ST18: variants seen among roughly 807,000 people sequenced by gnomAD.
The protein encoded by ST18 is ST18 C2H2C-type zinc finger transcription factor.
ST18 carries 50 observed loss-of-function variants against 110.0 expected under a neutral mutation model. That is an observed-to-expected ratio of 0.45 (90% CI 0.36 to 0.58). ST18 has a LOEUF of 0.58. ST18 is among the 20% of genes least tolerant of loss of function. ST18 has a pLI of 0.00. For missense variants in ST18, 1,306 were observed against 1,280.1 expected (o/e 1.02, Z -0.31); for synonymous variants, 461 against 452.4 (o/e 1.02, Z -0.24).
intron 2 of ST18, among the ~76,000 whole-genome samples, chr8:52,248,788 G>T (rs1040274421): frequency 6.6e-6 from 1 of 152,142 alleles, no homozygotes; most frequent in Non-Finnish European, 1.5e-5. Context: ...AGATTCAAGA[G>T]AAATTAAATA....
intron 2 of ST18, among the ~76,000 whole-genome samples, chr8:52,263,294 C>T (rs181908224): frequency 1.2e-4 from 19 of 152,282 alleles, no homozygotes; most frequent in South Asian, 6.2e-4. Context: ...AGATACTTCA[C>T]GCTTTGCAGA....
At chr8:52,258,823 T>C (rs1213238208) in intron 2 of ST18, among the ~76,000 whole-genome samples, 1 of 152,228 alleles carries the variant, frequency 6.6e-6, no homozygotes, top group Non-Finnish European at 1.5e-5. Flanking sequence ...GGAAATACTT[T>C]GGTGTTTAGC....
chr8:52,329,494 C>T (rs1220960301), intron 2 of ST18, among the ~76,000 whole-genome samples: 1 of 152,140 alleles, frequency 6.6e-6, no homozygotes, highest in Non-Finnish European at 1.5e-5. Flanking sequence ...GTGGCTCATG[C>T]TTGTAATCCT....
intron 2 of ST18, among the ~76,000 whole-genome samples, chr8:52,311,789 A>G (rs1016953905): frequency 6.6e-6 from 1 of 152,124 alleles, no homozygotes; most frequent in Non-Finnish European, 1.5e-5. Context: ...CCATGATTCA[A>G]TCTCCACCCA....
At chr8:52,348,420 T>A (rs1027257579) in intron 2 of ST18, among the ~76,000 whole-genome samples, 13 of 152,230 alleles carry the variant, frequency 8.5e-5, no homozygotes, top group African/African-American at 3.1e-4. Flanking sequence ...TCCTGTCTTC[T>A]TCTATTTTTT....
At chr8:52,337,280 C>A (rs979713651) in intron 2 of ST18, among the ~76,000 whole-genome samples, 1 of 152,224 alleles carries the variant, frequency 6.6e-6, no homozygotes, top group Admixed American at 6.5e-5. Context: ...GCTGCCACTG[C>A]AACCGCCAGG....
chr8:52,241,332 C>T (rs1271443253), intron 2 of ST18, among the ~76,000 whole-genome samples: 1 of 152,180 alleles, frequency 6.6e-6, no homozygotes, highest in Non-Finnish European at 1.5e-5. Flanking sequence ...TTCCTCTAAA[C>T]AAAGGTGGTC....
chr8:52,235,633 T>C (rs1252801520), intron 2 of ST18, among the ~76,000 whole-genome samples: 3 of 152,176 alleles, frequency 2.0e-5, no homozygotes, highest in Admixed American at 2.0e-4. Flanking sequence ...AAACATGCAG[T>C]TCAGATTCAT....
chr8:52,394,959 GA>G (rs34070977), intron 2 of ST18, among the ~76,000 whole-genome samples: 4,199 of 152,282 alleles, frequency 0.028, 204 homozygotes, highest in African/African-American at 0.096. Context: ...AATGATTCAA[GA>G]CACGAAAGTG....
chr8:52,295,710 C>T (rs374333117), intron 2 of ST18, among the ~76,000 whole-genome samples: 42 of 130,818 alleles, frequency 3.2e-4, no homozygotes, highest in East Asian at 2.0e-3. Flanking sequence ...TCTTTTTTTC[C>T]TTTTTTTTTT....
At chr8:52,392,246 C>A (rs960518906) in intron 2 of ST18, among the ~76,000 whole-genome samples, 1 of 152,024 alleles carries the variant, frequency 6.6e-6, no homozygotes, top group African/African-American at 2.4e-5. Context: ...GTAGTTTTGA[C>A]AAATAGTTGT....
At chr8:52,214,439 C>A in intron 6 of ST18, 182 bp from the exon 7 acceptor site, 1 of 589,890 alleles carries the variant, frequency 1.7e-6, no homozygotes, top group Non-Finnish European at 3.0e-6. Flanking sequence ...TTTGGAAATA[C>A]ATCTACAGTT....
intron 2 of ST18, among the ~76,000 whole-genome samples, chr8:52,243,597 G>T (rs975764988): frequency 4.6e-5 from 7 of 152,096 alleles, no homozygotes; most frequent in African/African-American, 1.7e-4. Context: ...CTAGTCAGTG[G>T]CTTCATTTGT....
chr8:52,172,444 A>AT lies in ST18; in HGVS notation c.416dup (p.Asn139LysfsTer9), dbSNP rs774059376. ...TTTCACTTACAGTCTGAACAGATAC[A>AT]TTTTTTTCAAATTTCCCCAAGTGCA... On this transcript the variant is annotated frameshift_variant, in exon 10 of 26. Transcript: ENST00000689386. LOFTEE classifies it high-confidence loss of function. 4 of 1,613,688 alleles carry AT rather than the reference A, an allele frequency of 2.5e-6. No homozygotes were observed. The highest frequency in any genetic ancestry group is 2.5e-6 in the Non-Finnish European group (3 of 1,180,006).
intron 23 of ST18, among the ~76,000 whole-genome samples, chr8:52,124,630 A>G (rs559003709): frequency 6.6e-6 from 1 of 152,294 alleles, no homozygotes; most frequent in South Asian, 2.1e-4. Context: ...AATGGGCAGT[A>G]TTTCCAAGGA....
At chr8:52,127,890 T>C (rs1300966057) in intron 22 of ST18, among the ~76,000 whole-genome samples, 1 of 152,068 alleles carries the variant, frequency 6.6e-6, no homozygotes, top group Non-Finnish European at 1.5e-5. Context: ...GGCTGAGGTA[T>C]TTGGCTCCAT....
chr8:52,339,567 C>T (rs6473705), intron 2 of ST18, among the ~76,000 whole-genome samples: 146,026 of 152,314 alleles, frequency 0.96, 70,295 homozygotes, highest in Middle Eastern at 1. Context: ...GAGCCCCCAG[C>T]TCCACAGACT....
At chr8:52,331,311 T>C (rs931754114) in intron 2 of ST18, among the ~76,000 whole-genome samples, 4 of 151,472 alleles carry the variant, frequency 2.6e-5, no homozygotes, top group Non-Finnish European at 4.4e-5. Flanking sequence ...TATCTGTATT[T>C]ATGAATAATA....
rs1563897561 is a variant in ST18, at chr8:52,178,645, C to CAAAAA, written c.277+1476_277+1477insTTTTT. 1.6e-3 allele frequency among the ~76,000 whole-genome samples: 48 copies of CAAAAA among 30,096 alleles called. 7 individuals carry two copies. Among genetic ancestry groups the CAAAAA allele is most frequent in the East Asian group, 5.9e-3 (7 of 1,194 alleles). The allele number at this position is 30,096 out of a possible 152,430, so 19.7% of individuals were successfully genotyped here. ...AAAAAAAAAAAAAAAAAAAAAAAACCACCAAAAACCAAAATAAAACAAACA... is the reference window on the plus strand; with the variant it reads ...AAAAAAAAAAAAAAAAAAAAAAAACCAAAAAACCAAAAACCAAAATAAAACAAACA... On this transcript the variant is annotated intron_variant, in intron 9 of 25. Transcript: ENST00000689386.
Sources: gnomAD v4.1 joint callset for allele counts (sites outside exome capture counted in the v4.1 genomes callset) on GRCh38, gnomAD v4.1.1 for gene constraint, MANE v1.5 for transcripts, NCBI Gene and HGNC (gene_info 2026-07-23, HGNC 2026-07-21) for gene names.